The following NR2F1-AS1 variants were observed in gnomAD, a reference collection of about 807,000 sequenced individuals.
NR2F1-AS1 encodes the protein NR2F1 regulatory antisense RNA 1.
intron 4 of NR2F1-AS1, among the ~76,000 whole-genome samples, chr5:93,451,923 C>A (rs900984719): frequency 6.6e-6 from 1 of 152,194 alleles, no homozygotes; most frequent in African/African-American, 2.4e-5. Context: ...AAGGACCTCA[C>A]GGACATGTAT....
intron 4 of NR2F1-AS1, among the ~76,000 whole-genome samples, chr5:93,422,706 A>C (rs146696925): frequency 1.0e-3 from 156 of 152,266 alleles, no homozygotes; most frequent in African/African-American, 3.6e-3. Flanking sequence ...ACTATTTTTA[A>C]ATGTGTCCCC....
intron 4 of NR2F1-AS1, chr5:93,409,497 GA>G (rs1329539605): frequency 6.6e-6 from 1 of 152,098 alleles, no homozygotes; most frequent in African/African-American, 2.4e-5. Context: ...GACACTCCAA[GA>G]AATCTTCCAG....
intron 1 of NR2F1-AS1, among the ~76,000 whole-genome samples, chr5:93,572,340 G>A (rs1333856790): frequency 2.0e-5 from 3 of 152,230 alleles, no homozygotes; most frequent in African/African-American, 7.2e-5. Context: ...TCTAGTCAAG[G>A]AGGGCGGGCA....
upstream of NR2F1-AS1, chr5:93,584,946 C>A (rs1189081258): frequency 1.1e-5 from 3 of 277,538 alleles, no homozygotes; most frequent in African/African-American, 7.1e-5. Context: ...CTTCCCCTTC[C>A]CCTCCCAGCG....
chr5:93,439,056 A>G (rs1345045478), intron 4 of NR2F1-AS1, among the ~76,000 whole-genome samples: 1 of 152,254 alleles, frequency 6.6e-6, no homozygotes, highest in African/African-American at 2.4e-5. Flanking sequence ...ACCTCAGTAA[A>G]GCAGGGAAAA....
chr5:93,426,125 G>A (rs1749190476), intron 4 of NR2F1-AS1, among the ~76,000 whole-genome samples: 1 of 151,652 alleles, frequency 6.6e-6, no homozygotes, highest in Non-Finnish European at 1.5e-5. Context: ...TTGGCTCACT[G>A]CAACCTCTGT....
intron 4 of NR2F1-AS1, among the ~76,000 whole-genome samples, chr5:93,435,702 C>T (rs1392547375): frequency 6.6e-6 from 1 of 152,148 alleles, no homozygotes; most frequent in African/African-American, 2.4e-5. Context: ...AGTCATAGTT[C>T]TATCATCCTC....
In NR2F1-AS1 at chr5:93,418,576, C is replaced by T. The variant is rs143579152; in HGVS notation, n.639-23034G>A. Among the ~76,000 whole-genome samples the T allele has an allele frequency of 6.7e-4, 99 of 147,890 alleles. 1 individual carries two copies. In the East Asian group the frequency reaches 9.7e-3, roughly 15 times the overall value. On this transcript the variant is annotated intron_variant and non_coding_transcript_variant, in intron 4 of 5. Coordinates refer to ENST00000660523, the Ensembl canonical transcript of NR2F1-AS1. ...AGTCCAGCCTGGCAAAAGAGCGAGA[C>T]GCCGTCTCATAAAAATAAATAAATA...
chr5:93,527,577 T>C (rs1432078763), intron 4 of NR2F1-AS1, among the ~76,000 whole-genome samples: 1 of 152,028 alleles, frequency 6.6e-6, no homozygotes, highest in Non-Finnish European at 1.5e-5. Context: ...GGAGGCATCA[T>C]GCTACCTGAC....
At chr5:93,583,784 T>G (rs1302333118), upstream of NR2F1-AS1, 1 of 152,244 alleles carries the variant, frequency 6.6e-6, no homozygotes, top group Admixed American at 6.5e-5. Context: ...CTACTTTGGA[T>G]GTCTCTCTCG....
chr5:93,426,415 G>C (rs1749196620), intron 4 of NR2F1-AS1, among the ~76,000 whole-genome samples: 1 of 152,136 alleles, frequency 6.6e-6, no homozygotes, highest in Non-Finnish European at 1.5e-5. Context: ...TTTCCTGTGG[G>C]ACTGGCACAA....
intron 4 of NR2F1-AS1, among the ~76,000 whole-genome samples, chr5:93,507,302 C>CTAACCAGTT (rs2149888960): frequency 6.6e-6 from 1 of 151,972 alleles, no homozygotes; most frequent in Admixed American, 6.6e-5. Context: ...ACAGGAAATC[C>CTAACCAGTT]TAACCAGTTT....
chr5:93,471,905 C>T (rs1031262534), intron 4 of NR2F1-AS1, among the ~76,000 whole-genome samples: 5 of 151,780 alleles, frequency 3.3e-5, no homozygotes, highest in African/African-American at 4.8e-5. Context: ...CCAATAGCTG[C>T]GTATCTCACT....
chr5:93,567,642 A>C (rs1284696874), intron 1 of NR2F1-AS1, among the ~76,000 whole-genome samples: 1 of 152,190 alleles, frequency 6.6e-6, no homozygotes, highest in African/African-American at 2.4e-5. Context: ...CTGTTTTTAT[A>C]TACCAAATCA....
intron 1 of NR2F1-AS1, among the ~76,000 whole-genome samples, chr5:93,574,845 C>T (rs1345769580): frequency 6.6e-6 from 1 of 152,160 alleles, no homozygotes; most frequent in Non-Finnish European, 1.5e-5. Context: ...GATTCTTCTA[C>T]TTAATTTAAT....
chr5:93,566,341 G>C (rs1752617477), intron 1 of NR2F1-AS1, among the ~76,000 whole-genome samples: 1 of 151,862 alleles, frequency 6.6e-6, no homozygotes, highest in Non-Finnish European at 1.5e-5. Flanking sequence ...TAGCACAATA[G>C]AGGAAAAAAG....
At chr5:93,528,249 A>C in intron 4 of NR2F1-AS1, among the ~76,000 whole-genome samples, 1 of 152,240 alleles carries the variant, frequency 6.6e-6, no homozygotes, top group South Asian at 2.1e-4. Context: ...CCTATGAAAA[A>C]AAGCTCATCA....
intron 1 of NR2F1-AS1, among the ~76,000 whole-genome samples, chr5:93,572,892 G>A (rs116008486): frequency 1.4e-4 from 22 of 152,336 alleles, no homozygotes; most frequent in African/African-American, 3.4e-4. Flanking sequence ...TGAGAGGCGC[G>A]GCCGGCGGGG....
intron 2 of NR2F1-AS1, among the ~76,000 whole-genome samples, chr5:93,561,299 T>C (rs558903189): frequency 6.6e-6 from 1 of 152,262 alleles, no homozygotes; most frequent in South Asian, 2.1e-4. Context: ...GTCAAATTTG[T>C]TGGAAAATAT....
Sources: allele counts gnomAD v4.1 joint callset (sites outside exome capture counted in the v4.1 genomes callset), GRCh38; gene constraint gnomAD v4.1.1; transcripts MANE v1.5; gene names NCBI Gene and HGNC (gene_info 2026-07-23, HGNC 2026-07-21).